The following FCSK variants were observed in gnomAD, a reference collection of about 807,000 sequenced individuals.
FCSK encodes fucose kinase.
FCSK carries 123 observed loss-of-function variants against 122.5 expected under a neutral mutation model. The observed-to-expected ratio is 1.00, with a 90% CI of 0.87 to 1.17. FCSK has a LOEUF of 1.17. Among genes scored for constraint, FCSK ranks in the 50% most tolerant of loss-of-function variants. FCSK has a pLI of 0.00. For missense variants in FCSK, 1,366 were observed against 1,450.4 expected (o/e 0.94, Z 0.95); for synonymous variants, 620 against 625.5 (o/e 0.99, Z 0.13).
rs1418354039 is a variant in FCSK, at chr16:70,472,481, A to T, written c.1342-60A>T. 5 of 1,388,972 alleles carry T rather than the reference A, an allele frequency of 3.6e-6. No homozygotes were observed. In the East Asian group the frequency reaches 1.2e-4, roughly 32 times the overall value. The allele number at this position is 1,388,972 out of a possible 1,614,324, so 86.0% of individuals were successfully genotyped here. ...TGAGCAGCTCCTGGCCCCCTGGCCG[A>T]GTGTCTCTAACCCTTTCCTGTGGCC... On this transcript the variant is annotated intron_variant, in intron 13 of 23. Transcript: ENST00000288078.
intron 1 of FCSK, 62 bp from the exon 2 acceptor site, chr16:70,463,107 T>G: frequency 1.1e-6 from 1 of 935,540 alleles, no homozygotes; most frequent in Non-Finnish European, 1.7e-6. Context: ...GTATATAAAA[T>G]TAATTACTTT....
chr16:70,465,109 C>G lies in FCSK; in HGVS notation c.235-17C>G. On this transcript the variant is annotated splice_polypyrimidine_tract_variant and intron_variant, in intron 3 of 23. Transcript: ENST00000288078. Reference sequence around the variant, plus strand: ...CTGCCTGAGGCCTCTGTTCACAGGGCTTTCCCACTCCTGCAGGTGGTCACA... The same window carrying G: ...CTGCCTGAGGCCTCTGTTCACAGGGGTTTCCCACTCCTGCAGGTGGTCACA... 6.2e-7 allele frequency: 1 copy of G among 1,613,460 alleles called. No individual in the cohort carries two copies.
Position 70,467,403 on chromosome 16 carries a change from A to C in FCSK, c.514A>C (p.Arg172=). 6.2e-7 allele frequency: 1 copy of C among 1,610,848 alleles called. No individual in the cohort carries two copies. The highest frequency in any genetic ancestry group is 8.5e-7 in the Non-Finnish European group (1 of 1,178,938). The change falls in exon 7 of 24, where the codon AGA becomes CGA. Residue 172 remains arginine, a synonymous_variant. Coordinates refer to ENST00000288078, the MANE Select transcript of FCSK (RefSeq NM_145059.3). ...CAGCTGGGACAGCTTCCGGGGAGCC[A>C]GAGTGATCGCCCTCCCAGGGAGCCC... The part of the protein sequence containing the change: ...GISWDSFRGA[R]VIALPGSPAY...
intron 1 of FCSK, among the ~76,000 whole-genome samples, chr16:70,460,460 A>T (rs966574513): frequency 6.6e-6 from 1 of 151,292 alleles, no homozygotes; most frequent in Non-Finnish European, 1.5e-5. Flanking sequence ...GCTGGAGTGC[A>T]GTGGTGTGAT....
Position 70,478,401 on chromosome 16 carries a change from A to T in FCSK, c.2771A>T (p.Asn924Ile), listed in dbSNP as rs369090482. ...CCTGAGGGCTTTGTCCAGAAGCTCA[A>T]TGACCACCTGCTCTTGGTGTACACT... ...TVPEGFVQKL[N>I]DHLLLVYTGK... The change falls in exon 21 of 24, where the codon AAT (asparagine) becomes ATT (isoleucine). Residue 924 changes from asparagine (N) to isoleucine (I), a missense_variant. Transcript: ENST00000288078. 2 of 1,614,078 alleles carry T rather than the reference A, an allele frequency of 1.2e-6. No individual in the cohort carries two copies. The highest frequency in any genetic ancestry group is 3.3e-5 in the Admixed American group (2 of 60,008).
rs1460117236 is a variant in FCSK, at chr16:70,470,916, C to G, written c.1069-55C>G. On this transcript the variant is annotated intron_variant, in intron 11 of 23. Coordinates refer to ENST00000288078, the MANE Select transcript of FCSK (RefSeq NM_145059.3). ...CTGGATGCTTGGCTTGGGAGGAGAG[C>G]TGGGGCAGCCCTGGGCCTCGACCCC... is the stretch of plus-strand genomic sequence containing the variant. 2.0e-6 allele frequency: 3 copies of G among 1,468,298 alleles called. No individual in the cohort carries two copies. In the East Asian group the frequency reaches 7.4e-5, roughly 36 times the overall value. The allele number at this position is 1,468,298 out of a possible 1,614,324, so 91.0% of individuals were successfully genotyped here. A position where few individuals can be genotyped will look rare whatever the true frequency, so the allele number is the denominator to read the frequency against.
intron 1 of FCSK, among the ~76,000 whole-genome samples, chr16:70,461,514 C>CT (rs1018774492): frequency 7.9e-5 from 12 of 152,084 alleles, no homozygotes; most frequent in Non-Finnish European, 2.9e-5. Flanking sequence ...CCCCTACTTG[C>CT]TGAGAGTGCC....
chr16:70,467,940 G>A lies in FCSK; in HGVS notation c.637G>A (p.Val213Ile). The A allele has an allele frequency of 6.2e-7, 1 of 1,614,174 alleles. No homozygotes were observed. The highest frequency in any genetic ancestry group is 8.5e-7 in the Non-Finnish European group (1 of 1,180,022). ...CACTGAGGCAGAGATTCAGCGGTGT[G>A]TCAGGCCTGATGGGCGGGTGCCACT... ...QGTEAEIQRC[V>I]RPDGRVPLVS... Residue 213 changes from valine (V) to isoleucine (I), a missense_variant, in exon 8 of 24, where the codon GTC (valine) becomes ATC (isoleucine). Coordinates refer to ENST00000288078, the MANE Select transcript of FCSK (RefSeq NM_145059.3).
chr16:70,475,232 C>G, intron 18 of FCSK, 118 bp from the exon 19 acceptor site: 1 of 1,249,830 alleles, frequency 8.0e-7, no homozygotes, highest in African/African-American at 1.5e-5. Flanking sequence ...GCCAGTACTG[C>G]TGCTGGGCTT....
intron 3 of FCSK, 121 bp downstream of exon 3, chr16:70,463,895 G>A (rs1567696606): frequency 8.7e-7 from 1 of 1,154,916 alleles, no homozygotes; most frequent in East Asian, 2.6e-5. Flanking sequence ...CTCAGTTTTT[G>A]TTTCTGTAAA....
chr16:70,460,692 T>C (rs1292302107), intron 1 of FCSK, among the ~76,000 whole-genome samples: 1 of 152,194 alleles, frequency 6.6e-6, no homozygotes, highest in Non-Finnish European at 1.5e-5. Flanking sequence ...TGTGAGCCAC[T>C]GCGCCCAGGT....
chr16:70,467,853 C>T, intron 7 of FCSK, 33 bp from the exon 8 acceptor site: 1 of 1,583,818 alleles, frequency 6.3e-7, no homozygotes, highest in South Asian at 1.1e-5. Flanking sequence ...CCTTCCTGCT[C>T]CCTCCGCTGA....
rs200099381 is a variant in FCSK, at chr16:70,472,605, G to A, written c.1406G>A (p.Arg469Gln). The change falls in exon 14 of 24, where the codon CGA becomes CAA. Residue 469 changes from arginine (R) to glutamine (Q), a missense_variant and splice_region_variant. Arg to Gln is a conservative substitution (Grantham distance 43, BLOSUM62 1). Transcript: ENST00000288078. ...GAATTCTTCAAGAGGACAGGTGTTC[G>A]GTAAGGTGGACACCCCTAGGGCCTC... ...WSEFFKRTGV[R>Q]AWDLWDPETL... 1.2e-4 allele frequency: 198 copies of A among 1,611,156 alleles called. 1 individual carries two copies. The Middle Eastern group carries it at 1.5e-3, about 12-fold the overall frequency.
chr16:70,470,996 GC>G lies in FCSK; in HGVS notation c.1095del (p.Ser366LeufsTer30). 6.3e-7 allele frequency: 1 copy of G among 1,598,142 alleles called. No homozygotes were observed. ...GAGCAGCAGCTTCTGGCGGCCGGGAGCTCTGTGGTCAGCTGCCTGCTGGAGG... is the reference window on the plus strand; with the variant it reads ...GAGCAGCAGCTTCTGGCGGCCGGGAGTCTGTGGTCAGCTGCCTGCTGGAGG... The part of the protein sequence containing the change: ...VEEQQLLAAG[S>X]SVVSCLLEGP... On this transcript the variant is annotated frameshift_variant, in exon 12 of 24. Transcript: ENST00000288078. LOFTEE classifies it high-confidence loss of function.
intron 2 of FCSK, 120 bp downstream of exon 2, chr16:70,463,392 CTAGCCATGTGACAGCA>C: frequency 1.1e-6 from 1 of 932,614 alleles, no homozygotes; most frequent in Non-Finnish European, 1.7e-6. Flanking sequence ...GCACTTCTCC[CTAGCCATGTGACAGCA>C]TACGTGGCAT....
Position 70,465,158 on chromosome 16 carries a change from G to T in FCSK, c.267G>T (p.Trp89Cys), listed in dbSNP as rs1174343988. ...CATCCGATGTCCTGCACTCGGCCTG[G>T]ATCCTCATTCTGCACATGGTAAATG... ...VVTSDVLHSA[W>C]ILILHMGRDF... Residue 89 changes from tryptophan (W) to cysteine (C), a missense_variant, in exon 4 of 24, where the codon TGG (tryptophan) becomes TGT (cysteine). Transcript: ENST00000288078. 2 of 1,613,380 alleles carry T rather than the reference G, an allele frequency of 1.2e-6. No homozygotes were observed. The highest frequency in any genetic ancestry group is 1.7e-5 in the Admixed American group (1 of 59,980).
intron 4 of FCSK, 25 bp downstream of exon 4, chr16:70,465,201 C>T (rs368686699): frequency 1.3e-6 from 2 of 1,589,478 alleles, no homozygotes; most frequent in African/African-American, 1.3e-5. Flanking sequence ...GGGCAGGGGC[C>T]AAGCAGAAGG....
intron 13 of FCSK, among the ~76,000 whole-genome samples, chr16:70,471,756 G>A (rs939382165): frequency 5.3e-5 from 8 of 151,582 alleles, no homozygotes; most frequent in Non-Finnish European, 8.8e-5. Context: ...GCACCACCAC[G>A]CCCAGCTTAG....
chr16:70,469,213 T>C lies in FCSK; in HGVS notation c.845T>C (p.Leu282Pro), dbSNP rs778792213. ...GAGAACGTGACCAGGGAGGACTTCC[T>C]GGTGGGGAGGCCCCCAGAGTTGGGG... is the stretch of plus-strand genomic sequence containing the variant. ...MAENVTREDF[L>P]VGRPPELGQG... The change falls in exon 10 of 24, where the codon CTG becomes CCG. Residue 282 changes from leucine to proline, a missense_variant. Coordinates refer to ENST00000288078, the MANE Select transcript of FCSK (RefSeq NM_145059.3). The C allele has an allele frequency of 3.1e-6, 5 of 1,614,004 alleles. No individual in the cohort carries two copies. Among genetic ancestry groups the C allele is most frequent in the Non-Finnish European group, 4.2e-6 (5 of 1,180,012 alleles).
Sources: gnomAD v4.1 joint callset for allele counts (sites outside exome capture counted in the v4.1 genomes callset) on GRCh38, gnomAD v4.1.1 for gene constraint, MANE v1.5 for transcripts, NCBI Gene and HGNC (gene_info 2026-07-23, HGNC 2026-07-21) for gene names.